The following MRO variants were observed in gnomAD, a reference collection of about 807,000 sequenced individuals.
MRO encodes the protein maestro, also known as protein maestro.
In MRO, 28 loss-of-function variants were observed where a neutral mutation model predicts 31.0. That is an observed-to-expected ratio of 0.90 (90% CI 0.67 to 1.24). The LOEUF is 1.24. Among genes scored for constraint, MRO ranks in the 50% most tolerant of loss-of-function variants. MRO has a pLI of 0.00. For missense variants in MRO, 332 were observed against 289.2 expected (o/e 1.15, Z -1.07); for synonymous variants, 108 against 108.4 (o/e 1.00, Z 0.02).
intron 6 of MRO, 36 bp from the exon 7 acceptor site, chr18:50,800,179 G>C (rs200053394): frequency 5.0e-4 from 724 of 1,437,328 alleles, no homozygotes; most frequent in Middle Eastern, 2.4e-3. Context: ...ATTTATTAGA[G>C]AGTTCCATAA....
At chr18:50,804,613 G>A (rs747298458) in intron 5 of MRO, among the ~76,000 whole-genome samples, 1 of 152,022 alleles carries the variant, frequency 6.6e-6, no homozygotes, top group Non-Finnish European at 1.5e-5. Context: ...GTGACAGAGT[G>A]AGACCCTGTC....
At chr18:50,818,862 G>A (rs1191478357) in intron 2 of MRO, among the ~76,000 whole-genome samples, 2 of 152,036 alleles carry the variant, frequency 1.3e-5, no homozygotes, top group African/African-American at 2.4e-5. Flanking sequence ...AGACCAGCCT[G>A]AGCAACATGG....
intron 3 of MRO, among the ~76,000 whole-genome samples, chr18:50,807,368 C>T (rs991833453): frequency 6.6e-6 from 1 of 152,156 alleles, no homozygotes; most frequent in Non-Finnish European, 1.5e-5. Flanking sequence ...GGCTAATGTC[C>T]CCTCACCCCT....
At position 50,801,498 on chromosome 18, in the gene MRO, C is replaced by G; in HGVS notation, c.436G>C (p.Asp146His). 1 of 1,591,176 alleles carries G rather than the reference C, an allele frequency of 6.3e-7. No homozygotes were observed. Among genetic ancestry groups the G allele is most frequent in the South Asian group, 1.1e-5 (1 of 87,080 alleles). Residue 146 changes from aspartate to histidine, a missense_variant, in exon 6 of 8, where the codon GAC (aspartate) becomes CAC (histidine). Transcript: ENST00000398439. The stretch of plus-strand genomic sequence containing the variant: ...ACAAAGGCCGAGTATCTCAGACTGT[C>G]GTTCTCCTGCGGTCCCCATCAACAA... The part of the protein sequence containing the change: ...QTRTLLDDEN[D>H]SLRYSAFVLF...
intron 3 of MRO, among the ~76,000 whole-genome samples, chr18:50,808,124 T>A (rs1914118870): frequency 6.6e-6 from 1 of 151,974 alleles, no homozygotes; most frequent in Non-Finnish European, 1.5e-5. Context: ...CACCAAACTC[T>A]AAGTAATTGC....
intron 7 of MRO, 138 bp downstream of exon 7, chr18:50,799,898 G>GA (rs1433149133): frequency 4.8e-6 from 3 of 629,856 alleles, no homozygotes; most frequent in Non-Finnish European, 2.7e-6. Flanking sequence ...CAGAAAAAAA[G>GA]AAAAAATAAA....
At position 50,805,313 on chromosome 18, in the gene MRO, G is replaced by A. The variant is rs761876150; in HGVS notation, c.270C>T (p.Val90=). ...PDKVRKYKKI[V]LDLLVYGLYD... ...ACAGTCCATACACCAGCAGGTCGAG[G>A]ACAATTTTCTTATACTTTCTCACCT... Residue 90 remains valine, a synonymous_variant, in exon 5 of 8, where the codon GTC becomes GTT. Transcript: ENST00000398439. The A allele has an allele frequency of 1.2e-6, 2 of 1,613,830 alleles. No individual in the cohort carries two copies. Among genetic ancestry groups the A allele is most frequent in the Non-Finnish European group, 8.5e-7 (1 of 1,179,930 alleles).
intron 5 of MRO, among the ~76,000 whole-genome samples, chr18:50,803,901 G>C (rs925325784): frequency 2.0e-5 from 3 of 152,266 alleles, no homozygotes; most frequent in African/African-American, 7.2e-5. Flanking sequence ...TTCAGGGACA[G>C]AATAACTGGC....
intron 2 of MRO, 35 bp downstream of exon 2, chr18:50,819,546 T>C: frequency 6.4e-7 from 1 of 1,550,406 alleles, no homozygotes; most frequent in Non-Finnish European, 8.7e-7. Context: ...CGCCTCCCGC[T>C]GCATCTGGCT....
upstream of MRO, among the ~76,000 whole-genome samples, chr18:50,822,948 G>A (rs1915362633): frequency 6.6e-6 from 1 of 152,088 alleles, no homozygotes; most frequent in African/African-American, 2.4e-5. Context: ...CGTGCCCACA[G>A]CGCAAGGCAG....
Position 50,800,111 on chromosome 18 carries a change from T to C in MRO, c.618A>G (p.Pro206=). The change falls in exon 7 of 8, where the codon CCA becomes CCG. Residue 206 remains proline (P), a synonymous_variant. Coordinates refer to ENST00000398439, the MANE Select transcript of MRO (RefSeq NM_031939.6). ...TGTATTCCTCCTTTAGTTTCAGATATGGAGAACAGGCTTGAAATGTTGTTT... is the reference window on the plus strand; with the variant it reads ...TGTATTCCTCCTTTAGTTTCAGATACGGAGAACAGGCTTGAAATGTTGTTT... ...ACKTTFQACS[P]YLKLKEEYSF... The C allele has an allele frequency of 2.5e-6, 4 of 1,613,536 alleles. No individual in the cohort carries two copies. Among genetic ancestry groups the C allele is most frequent in the Admixed American group, 1.7e-5 (1 of 59,998 alleles).
chr18:50,820,920 A>C (rs1250132058), upstream of MRO, among the ~76,000 whole-genome samples: 2 of 152,236 alleles, frequency 1.3e-5, no homozygotes, highest in African/African-American at 2.4e-5. Context: ...GATGCTGCTG[A>C]GAAAATAAGA....
In MRO at chr18:50,806,745, T is replaced by C. The variant is rs747058995; in HGVS notation, c.205A>G (p.Met69Val). 1.9e-6 allele frequency: 3 copies of C among 1,614,182 alleles called. No individual in the cohort carries two copies. The highest frequency in any genetic ancestry group is 1.3e-5 in the African/African-American group (1 of 75,040). The change falls in exon 4 of 8, where the codon ATG becomes GTG. Residue 69 changes from methionine to valine, a missense_variant. Physicochemically the swap from Met to Val is conservative, Grantham distance 21. Coordinates refer to ENST00000398439, the MANE Select transcript of MRO (RefSeq NM_031939.6). The part of the protein sequence containing the change: ...DPSAKKRHMA[M>V]RNLGTMAYEA... ...TAGGCCATGGTTCCCAAGTTTCTCA[T>C]TGCCATGTGACGCTTTTTAGCACTG...
intron 4 of MRO, among the ~76,000 whole-genome samples, chr18:50,806,380 C>G (rs925729081): frequency 6.6e-6 from 1 of 152,182 alleles, no homozygotes; most frequent in African/African-American, 2.4e-5. Context: ...AAACCTCTGT[C>G]CCACAATGGG....
chr18:50,809,172 A>AAAAAAAAAAAGGC, intron 3 of MRO, 130 bp downstream of exon 3: 1 of 415,936 alleles, frequency 2.4e-6, no homozygotes, highest in Non-Finnish European at 4.3e-6. Context: ...AAAAAAAAAA[A>AAAAAAAAAAAGGC]ACTGTCATCA....
chr18:50,804,181 T>A (rs1913689759), intron 5 of MRO, among the ~76,000 whole-genome samples: 1 of 152,252 alleles, frequency 6.6e-6, no homozygotes, highest in African/African-American at 2.4e-5. Flanking sequence ...ATGAGATGAT[T>A]CATGTAAATT....
At chr18:50,810,122 G>A (rs1316804865) in intron 2 of MRO, among the ~76,000 whole-genome samples, 1 of 152,016 alleles carries the variant, frequency 6.6e-6, no homozygotes, top group Non-Finnish European at 1.5e-5. Flanking sequence ...ATGCCACCAC[G>A]CCCAATTAAT....
chr18:50,802,511 A>G (rs1462758978), intron 5 of MRO, among the ~76,000 whole-genome samples: 1 of 152,120 alleles, frequency 6.6e-6, no homozygotes, highest in Non-Finnish European at 1.5e-5. Flanking sequence ...ACGGGTTTTT[A>G]TATCAGTGTT....
rs558677598 is a variant in MRO, at chr18:50,804,961, C to G, written c.429+193G>C. On this transcript the variant is annotated intron_variant, in intron 5 of 7. Coordinates refer to ENST00000398439, the MANE Select transcript of MRO (RefSeq NM_031939.6). ...CGTGCACCACCATGCCCAGCTAGTTCTTTGTATTTTAGTAAAGATAGGGTT... is the reference window on the plus strand; with the variant it reads ...CGTGCACCACCATGCCCAGCTAGTTGTTTGTATTTTAGTAAAGATAGGGTT... Among the ~76,000 whole-genome samples the G allele has an allele frequency of 7.2e-5, 11 of 151,956 alleles. No individual in the cohort carries two copies. The East Asian group carries it at 2.2e-3, about 30-fold the overall frequency.
Sources: gnomAD v4.1 joint callset for allele counts (sites outside exome capture counted in the v4.1 genomes callset) on GRCh38, gnomAD v4.1.1 for gene constraint, MANE v1.5 for transcripts, NCBI Gene and HGNC (gene_info 2026-07-23, HGNC 2026-07-21) for gene names.